The following TPGS2 variants were observed in gnomAD, a reference collection of about 807,000 sequenced individuals.
The protein encoded by TPGS2 is tubulin polyglutamylase complex subunit 2.
TPGS2 carries 26 observed loss-of-function variants against 31.1 expected under a neutral mutation model. The ratio of observed to expected loss-of-function variants is 0.84; its 90% CI spans 0.61 to 1.16. TPGS2 has a LOEUF of 1.16. Among genes scored for constraint, TPGS2 ranks in the 50% most tolerant of loss-of-function variants. TPGS2 has a pLI of 0.00. For synonymous variants in TPGS2, 130 were observed against 136.6 expected, an observed-to-expected ratio of 0.95 and a Z score of 0.34; for missense variants, 351 against 363.8, an observed-to-expected ratio of 0.96 and a Z score of 0.29.
In TPGS2 at chr18:36,797,183, C is replaced by CTATT. The variant is rs1216092967; in HGVS notation, c.658-137_658-134dup. 6 of 1,503,990 alleles carry CTATT rather than the reference C, an allele frequency of 4.0e-6. No homozygotes were observed. In the African/African-American group the frequency reaches 8.6e-5, roughly 21 times the overall value. 93.2% of individuals were successfully genotyped at this position (1,503,990 alleles called of 1,614,324 possible). ...TTTTCATGAAAAACTGCCTAAAAAT[C>CTATT]TATTTGCTCTTCCTTTAAGTGGAGG... is the stretch of plus-strand genomic sequence containing the variant. On this transcript the variant is annotated intron_variant, in intron 6 of 6. Transcript: ENST00000334295.
At position 36,796,209 on chromosome 18, in the gene TPGS2, C is replaced by T; in HGVS notation, c.*596G>A. 5 of 985,304 alleles carry T rather than the reference C, an allele frequency of 5.1e-6. No homozygotes were observed. The highest frequency in any genetic ancestry group is 1.7e-5 in the African/African-American group (1 of 57,324). The allele number at this position is 985,304 out of a possible 1,614,324, so 61.0% of individuals were successfully genotyped here. ...ATTATGACCCATCCAATGAAGACAT[C>T]AACATTAACAACAAAAATTAATTGA... On this transcript the variant is annotated 3_prime_UTR_variant, in exon 7 of 7. Transcript: ENST00000334295.
At chr18:36,799,200 GT>G (rs1158485026) in intron 5 of TPGS2, among the ~76,000 whole-genome samples, 1 of 152,056 alleles carries the variant, frequency 6.6e-6, no homozygotes, top group Non-Finnish European at 1.5e-5. Flanking sequence ...ATCTCCCTAA[GT>G]GCCCTCCATT....
downstream of TPGS2, chr18:36,789,213 T>G (rs2044225702): frequency 6.6e-6 from 1 of 152,130 alleles, no homozygotes; most frequent in Non-Finnish European, 1.5e-5. Flanking sequence ...TAAAAAAAAG[T>G]CTTAAGATTA....
chr18:36,782,702 G>C (rs1162534305), downstream of TPGS2, among the ~76,000 whole-genome samples: 2 of 152,150 alleles, frequency 1.3e-5, no homozygotes, highest in Admixed American at 1.3e-4. Context: ...TCAATTAACT[G>C]ATCAACTAGG....
At chr18:36,804,028 T>C (rs1177775411) in intron 4 of TPGS2, among the ~76,000 whole-genome samples, 1 of 152,128 alleles carries the variant, frequency 6.6e-6, no homozygotes, top group Non-Finnish European at 1.5e-5. Context: ...ACAGAGGTGA[T>C]GATAGCACAC....
chr18:36,790,991 G>A (rs2044291100), downstream of TPGS2, among the ~76,000 whole-genome samples: 1 of 152,168 alleles, frequency 6.6e-6, no homozygotes, highest in African/African-American at 2.4e-5. Flanking sequence ...CAATGTTGGA[G>A]GAGGGGCCTT....
chr18:36,795,023 C>CAA lies in TPGS2; in HGVS notation c.*1780_*1781dup. ...CAAAGACTCTTAAGCGCTGATATTT[C>CAA]AAGACTTTGAACTATTACAAATATG... On this transcript the variant is annotated 3_prime_UTR_variant, in exon 7 of 7. Transcript: ENST00000334295. The CAA allele has an allele frequency of 1.0e-6, 1 of 985,394 alleles. No homozygotes were observed. Among genetic ancestry groups the CAA allele is most frequent in the Non-Finnish European group, 1.2e-6 (1 of 829,944 alleles). 61.0% of individuals were successfully genotyped at this position (985,394 alleles called of 1,614,324 possible). A position where few individuals can be genotyped will look rare whatever the true frequency, so the allele number is the denominator to read the frequency against.
intron 3 of TPGS2, among the ~76,000 whole-genome samples, chr18:36,806,847 T>C (rs943898934): frequency 3.9e-5 from 3 of 77,272 alleles, no homozygotes; most frequent in African/African-American, 2.5e-4. Flanking sequence ...TGAGACTCCA[T>C]CTTAAAAAAA....
chr18:36,783,210 C>T (rs2044056107), intron 6 of TPGS2: 1 of 393,094 alleles, frequency 2.5e-6, no homozygotes, highest in Non-Finnish European at 4.5e-6. Context: ...TTTCCTGTTG[C>T]TTGTTTCCCC....
At position 36,820,481 on chromosome 18, in the gene TPGS2, T is replaced by C. The variant is rs530313382; in HGVS notation, c.86-1508A>G. Among the ~76,000 whole-genome samples the C allele has an allele frequency of 2.0e-5, 3 of 152,314 alleles. No individual in the cohort carries two copies. The East Asian group carries it at 5.8e-4, about 29-fold the overall frequency. On this transcript the variant is annotated intron_variant, in intron 1 of 6. Coordinates refer to ENST00000334295, the MANE Select transcript of TPGS2 (RefSeq NM_015476.4). ...GTAGAGACTCCTATATCCGACACAGTACTTCAGAATTGGTGAGGAGGTGGT... is the reference window on the plus strand; with the variant it reads ...GTAGAGACTCCTATATCCGACACAGCACTTCAGAATTGGTGAGGAGGTGGT...
chr18:36,825,922 C>A (rs1330476304), intron 1 of TPGS2, among the ~76,000 whole-genome samples: 1 of 152,184 alleles, frequency 6.6e-6, no homozygotes, highest in Non-Finnish European at 1.5e-5. Flanking sequence ...CTCTTCCAAT[C>A]CATAAACATG....
In TPGS2 at chr18:36,823,922, T is replaced by A. The variant is rs890713183; in HGVS notation, c.85+4761A>T. 1.8e-5 allele frequency: 17 copies of A among 925,710 alleles called. No homozygotes were observed. In the African/African-American group the frequency reaches 2.9e-4, roughly 16 times the overall value. The allele number at this position is 925,710 out of a possible 1,614,324, so 57.3% of individuals were successfully genotyped here. A position where few individuals can be genotyped will look rare whatever the true frequency, so the allele number is the denominator to read the frequency against. On this transcript the variant is annotated intron_variant, in intron 1 of 6. Transcript: ENST00000334295. ...TAGTACCGTGTTTAGAATTCCTTTTTAAAAATAGCTTTACTGAGACATAAT... is the reference window on the plus strand; with the variant it reads ...TAGTACCGTGTTTAGAATTCCTTTTAAAAAATAGCTTTACTGAGACATAAT...
At chr18:36,820,428 A>G (rs1288829299) in intron 1 of TPGS2, among the ~76,000 whole-genome samples, 1 of 152,252 alleles carries the variant, frequency 6.6e-6, no homozygotes, top group Non-Finnish European at 1.5e-5. Context: ...TAACTTTCAG[A>G]TAGTAAGTTG....
intron 6 of TPGS2, among the ~76,000 whole-genome samples, chr18:36,797,462 T>C (rs669086): frequency 0.4 from 60,526 of 150,770 alleles, 13,481 homozygotes; most frequent in African/African-American, 0.6. Context: ...AGACAGAGGC[T>C]AGTGTGGGCC....
Position 36,795,004 on chromosome 18 carries a change from C to T in TPGS2, c.*1801G>A, listed in dbSNP as rs991961810. On this transcript the variant is annotated 3_prime_UTR_variant, in exon 7 of 7. Transcript: ENST00000334295. ...GAAGCTCAGTTTATGCTCCCAAAGA[C>T]TCTTAAGCGCTGATATTTCAAGACT... 20 of 985,260 alleles carry T rather than the reference C, an allele frequency of 2.0e-5. No homozygotes were observed. The Admixed American group carries it at 1.1e-3, about 55-fold the overall frequency. 61.0% of individuals were successfully genotyped at this position (985,260 alleles called of 1,614,324 possible). A position where few individuals can be genotyped will look rare whatever the true frequency, so the allele number is the denominator to read the frequency against.
In TPGS2 at chr18:36,828,994, C is replaced by A; in HGVS notation, c.-227G>T. 1.8e-6 allele frequency: 2 copies of A among 1,108,862 alleles called. No homozygotes were observed. The highest frequency in any genetic ancestry group is 2.4e-6 in the Non-Finnish European group (2 of 821,584). The allele number at this position is 1,108,862 out of a possible 1,614,324, so 68.7% of individuals were successfully genotyped here. ...ACACCGCACCTCCGGGACGTAGCTT[C>A]CCCTTCGCCCCCACCCTCTCGCCCC... is the stretch of plus-strand genomic sequence containing the variant. On this transcript the variant is annotated 5_prime_UTR_variant, in exon 1 of 7. Transcript: ENST00000334295.
rs2044488964 is a variant in TPGS2 at position 36,795,563 on chromosome 18, G to A, written c.*1242C>T. On this transcript the variant is annotated 3_prime_UTR_variant, in exon 7 of 7. Transcript: ENST00000334295. ...GCCCACAGCCAGGACTGTAGAGGGA[G>A]GAAATAAATAGGCATTCCTAATTGA... 7.1e-6 allele frequency: 7 copies of A among 985,398 alleles called. No individual in the cohort carries two copies. Among genetic ancestry groups the A allele is most frequent in the Non-Finnish European group, 7.2e-6 (6 of 829,926 alleles). 61.0% of individuals were successfully genotyped at this position (985,398 alleles called of 1,614,324 possible). A position where few individuals can be genotyped will look rare whatever the true frequency, so the allele number is the denominator to read the frequency against.
intron 1 of TPGS2, among the ~76,000 whole-genome samples, chr18:36,819,840 G>C (rs1361544029): frequency 6.6e-6 from 1 of 152,178 alleles, no homozygotes; most frequent in African/African-American, 2.4e-5. Flanking sequence ...AATTAGTTTA[G>C]ATGAGGTCAT....
At chr18:36,814,853 C>G (rs1433818319) in intron 2 of TPGS2, among the ~76,000 whole-genome samples, 1 of 152,226 alleles carries the variant, frequency 6.6e-6, no homozygotes, top group Non-Finnish European at 1.5e-5. Flanking sequence ...AGACTTTACC[C>G]ATTTATCCCA....
Sources: gnomAD v4.1 joint callset for allele counts (sites outside exome capture counted in the v4.1 genomes callset) on GRCh38, gnomAD v4.1.1 for gene constraint, MANE v1.5 for transcripts, NCBI Gene and HGNC (gene_info 2026-07-23, HGNC 2026-07-21) for gene names.